Variants in SGF29 observed in about 807,000 individuals in gnomAD.
SGF29 encodes the protein SAGA complex associated factor 29.
A neutral mutation model predicts 38.1 loss-of-function variants in SGF29; 15 were observed. The observed-to-expected ratio is 0.39, with a 90% CI of 0.26 to 0.61. The LOEUF (loss-of-function observed/expected upper bound fraction) is 0.61. Among genes scored for constraint, SGF29 ranks in the 20% least tolerant of loss-of-function variants. The pLI, the probability that SGF29 is intolerant of heterozygous loss-of-function variation, is 0.49. For missense variants in SGF29, 184 were observed against 394.6 expected (o/e 0.47, Z 4.52); for synonymous variants, 151 against 160.8 (o/e 0.94, Z 0.46).
chr16:28,587,696 G>T (rs930539739), intron 4 of SGF29, among the ~76,000 whole-genome samples: 1 of 152,212 alleles, frequency 6.6e-6, no homozygotes, highest in Non-Finnish European at 1.5e-5. Context: ...TTAGAACTCC[G>T]GGTCATTTCA....
chr16:28,579,401 G>T (rs1245403562), intron 1 of SGF29, among the ~76,000 whole-genome samples: 1 of 151,214 alleles, frequency 6.6e-6, no homozygotes, highest in East Asian at 2.0e-4. Context: ...GGGACTACAG[G>T]TGCCCACCAC....
At chr16:28,585,353 A>G (rs1281264700) in intron 3 of SGF29, 2 of 539,538 alleles carry the variant, frequency 3.7e-6, no homozygotes, top group Non-Finnish European at 6.7e-6. Flanking sequence ...TACTCTGGGT[A>G]ACTCTGAGAA....
intron 1 of SGF29, among the ~76,000 whole-genome samples, chr16:28,559,447 G>T (rs759013513): frequency 9.9e-5 from 15 of 152,046 alleles, no homozygotes; most frequent in Non-Finnish European, 1.8e-4. Flanking sequence ...GCAGTGGTGC[G>T]ATTTTGGCTC....
In SGF29 at chr16:28,585,006, G is replaced by A. The variant is rs2046948711; in HGVS notation, c.151+18G>A. The A allele has an allele frequency of 6.2e-7, 1 of 1,604,664 alleles. No homozygotes were observed. The highest frequency in any genetic ancestry group is 1.1e-5 in the South Asian group (1 of 90,856). ...GAACAAGAGTGAGTAGCTGGGCTCA[G>A]GAGAGAAAGGGGATGAGATGGGGCT... On this transcript the variant is annotated intron_variant, in intron 3 of 9. Coordinates refer to ENST00000317058, the MANE Select transcript of SGF29 (RefSeq NM_138414.3).
At position 28,554,102 on chromosome 16, in the gene SGF29, G is replaced by A. The variant is rs1183941497; in HGVS notation, c.-16+5G>A. The A allele has an allele frequency of 6.6e-6, 1 of 152,366 alleles. No homozygotes were observed. Among genetic ancestry groups the A allele is most frequent in the Non-Finnish European group, 1.5e-5 (1 of 68,064 alleles). 9.4% of individuals were successfully genotyped at this position (152,366 alleles called of 1,614,324 possible). A position where few individuals can be genotyped will look rare whatever the true frequency, so the allele number is the denominator to read the frequency against. ...GCTTGTTTTGTCCCGGACTCGGTAG[G>A]TGGCGACGGGCCGTGGCCTGAGACC... On this transcript the variant is annotated splice_donor_5th_base_variant and intron_variant, in intron 1 of 9. Coordinates refer to ENST00000317058, the MANE Select transcript of SGF29 (RefSeq NM_138414.3).
chr16:28,589,231 G>A, intron 5 of SGF29, 67 bp downstream of exon 5: 2 of 1,566,238 alleles, frequency 1.3e-6, no homozygotes, highest in Non-Finnish European at 1.8e-6. Flanking sequence ...GCGGGCAGCA[G>A]TCACCCTCCT....
chr16:28,564,596 C>CACATATATATGTGTATATATATACAT (rs2046814649), intron 1 of SGF29, among the ~76,000 whole-genome samples: 3 of 109,106 alleles, frequency 2.7e-5, no homozygotes, highest in Non-Finnish European at 3.7e-5. Flanking sequence ...TATATACACA[C>CACATATATATGTGTATATATATACAT]ATATATGTGT....
At chr16:28,569,869 T>C (rs2046854661) in intron 1 of SGF29, among the ~76,000 whole-genome samples, 1 of 152,134 alleles carries the variant, frequency 6.6e-6, no homozygotes, top group Admixed American at 6.5e-5. Context: ...GTTCCTAGCA[T>C]TCTGGGGCAG....
Position 28,590,983 on chromosome 16 carries a change from C to T in SGF29, c.765+48C>T. 6.5e-7 allele frequency: 1 copy of T among 1,543,360 alleles called. No individual in the cohort carries two copies. Among genetic ancestry groups the T allele is most frequent in the South Asian group, 1.2e-5 (1 of 83,296 alleles). On this transcript the variant is annotated intron_variant, in intron 9 of 9. Coordinates refer to ENST00000317058, the MANE Select transcript of SGF29 (RefSeq NM_138414.3). This position sits in a 1 kb window ranked among gnomAD's most constrained non-coding sequence, Gnocchi z 8.2. Reference sequence around the variant, plus strand: ...GGCCATGGGTGATGTCAGGAACAGGCTGATCAGACAGACGAGGGGTCCTCT... The same window carrying T: ...GGCCATGGGTGATGTCAGGAACAGGTTGATCAGACAGACGAGGGGTCCTCT...
At chr16:28,557,248 T>C (rs1160618639) in intron 1 of SGF29, among the ~76,000 whole-genome samples, 1 of 152,234 alleles carries the variant, frequency 6.6e-6, no homozygotes, top group African/African-American at 2.4e-5. Flanking sequence ...AAAGTTCTTA[T>C]TAGTCAAGCT....
intron 2 of SGF29, among the ~76,000 whole-genome samples, chr16:28,581,955 C>T (rs1221048106): frequency 6.6e-6 from 1 of 151,230 alleles, no homozygotes; most frequent in Non-Finnish European, 1.5e-5. Flanking sequence ...TATTTGATAT[C>T]TTTTCTTTCA....
chr16:28,562,005 T>C (rs565436017), intron 1 of SGF29, among the ~76,000 whole-genome samples: 6 of 152,146 alleles, frequency 3.9e-5, no homozygotes, highest in Non-Finnish European at 7.4e-5. Flanking sequence ...TGTAAAATCA[T>C]AGGAAGAGCT....
At chr16:28,555,979 C>G (rs1184091534) in intron 1 of SGF29, among the ~76,000 whole-genome samples, 2 of 152,130 alleles carry the variant, frequency 1.3e-5, no homozygotes, top group African/African-American at 4.8e-5. Context: ...ACCTATTTTT[C>G]CTGAGTTACC....
intron 1 of SGF29, among the ~76,000 whole-genome samples, chr16:28,578,069 C>T (rs188446202): frequency 1.6e-4 from 25 of 151,924 alleles, no homozygotes; most frequent in African/African-American, 5.1e-4. Flanking sequence ...GGCCTAGGCT[C>T]GTCTGGACCC....
intron 4 of SGF29, among the ~76,000 whole-genome samples, chr16:28,587,013 A>C (rs1196971442): frequency 1.3e-5 from 2 of 151,860 alleles, no homozygotes; most frequent in Non-Finnish European, 2.9e-5. Context: ...ACTCCACCTA[A>C]TTTTTGTATT....
At chr16:28,564,526 T>TATATATATAC (rs1420440005) in intron 1 of SGF29, among the ~76,000 whole-genome samples, 1 of 118,072 alleles carries the variant, frequency 8.5e-6, no homozygotes, top group Non-Finnish European at 1.8e-5. Flanking sequence ...TATATGTGTG[T>TATATATATAC]GTATATATAT....
chr16:28,589,129 C>T lies in SGF29; in HGVS notation c.254C>T (p.Ala85Val), dbSNP rs374007563. Residue 85 changes from alanine to valine, a missense_variant, in exon 5 of 10, where the codon GCG becomes GTG. Coordinates refer to ENST00000317058, the MANE Select transcript of SGF29 (RefSeq NM_138414.3). ...CTTCGGAAAGCTCTGGACAAGATCGCGGAAATCAAGTCTCTGTTGGAAGAG... is the reference window on the plus strand; with the variant it reads ...CTTCGGAAAGCTCTGGACAAGATCGTGGAAATCAAGTCTCTGTTGGAAGAG... The part of the protein sequence containing the change: ...NILRKALDKI[A>V]EIKSLLEERR... 4.0e-5 allele frequency: 65 copies of T among 1,614,158 alleles called. No homozygotes were observed. The highest frequency in any genetic ancestry group is 6.7e-5 in the East Asian group (3 of 44,882).
In SGF29 at chr16:28,589,074, TCTTTCTC is replaced by T; in HGVS notation, c.225-24_225-18del. On this transcript the variant is annotated intron_variant, in intron 4 of 9. Transcript: ENST00000317058. ...TATGCTATGTACGTTAACCAAACCC[TCTTTCTC>T]CCTTCTCCCCGCCCTCAGCATCCTT... The T allele has an allele frequency of 6.2e-7, 1 of 1,613,658 alleles. No homozygotes were observed.
At chr16:28,581,382 A>G (rs1378343959) in intron 2 of SGF29, among the ~76,000 whole-genome samples, 1 of 152,218 alleles carries the variant, frequency 6.6e-6, no homozygotes, top group African/African-American at 2.4e-5. Context: ...TTCACATGCC[A>G]TACAACGCAC....
Sources: allele counts gnomAD v4.1 joint callset (sites outside exome capture counted in the v4.1 genomes callset), GRCh38; gene constraint gnomAD v4.1.1; non-coding constraint Gnocchi (gnomAD v3.1); transcripts MANE v1.5; gene names NCBI Gene and HGNC (gene_info 2026-07-23, HGNC 2026-07-21).